SGPP2: variants seen among roughly 807,000 people sequenced by gnomAD.
SGPP2 encodes the protein sphingosine-1-phosphate phosphatase 2.
In SGPP2, 30 loss-of-function variants were observed where a neutral mutation model predicts 33.9. The ratio of observed to expected loss-of-function variants is 0.89; its 90% confidence interval spans 0.66 to 1.20. SGPP2 has a LOEUF of 1.20. SGPP2 is among the 50% of genes most tolerant of loss of function. SGPP2 has a pLI of 0.00. For synonymous variants in SGPP2, 233 were observed against 225.0 expected (o/e 1.04, Z -0.32); for missense variants, 458 against 532.1 (o/e 0.86, Z 1.37).
At chr2:222,522,888 G>T (rs1028529196) in intron 3 of SGPP2, among the ~76,000 whole-genome samples, 1 of 152,140 alleles carries the variant, frequency 6.6e-6, no homozygotes, top group Non-Finnish European at 1.5e-5. Flanking sequence ...TTGCTGTGTT[G>T]CCCAGGCTGG....
At chr2:222,490,933 A>G (rs1290561650) in intron 2 of SGPP2, among the ~76,000 whole-genome samples, 8 of 152,136 alleles carry the variant, frequency 5.3e-5, no homozygotes, top group South Asian at 2.1e-4. Context: ...TTAGTTATCT[A>G]TAGCAACACT....
intron 1 of SGPP2, among the ~76,000 whole-genome samples, chr2:222,434,597 G>C (rs1242270062): frequency 3.3e-5 from 5 of 152,088 alleles, no homozygotes; most frequent in African/African-American, 9.7e-5. Flanking sequence ...AAAACACCTG[G>C]TTCATTGTTA....
chr2:222,552,309 T>C (rs1437990034), intron 4 of SGPP2, among the ~76,000 whole-genome samples: 1 of 152,260 alleles, frequency 6.6e-6, no homozygotes, highest in Non-Finnish European at 1.5e-5. Flanking sequence ...GTGGTTGTAC[T>C]AGTTTACATT....
In SGPP2 at chr2:222,558,703, C is replaced by T; in HGVS notation, c.1005C>T (p.Ile335=). 2 of 1,614,144 alleles carry T rather than the reference C, an allele frequency of 1.2e-6. No individual in the cohort carries two copies. The highest frequency in any genetic ancestry group is 1.3e-5 in the African/African-American group (1 of 75,014). The change falls in exon 5 of 5, where the codon ATC becomes ATT. Residue 335 remains isoleucine, a synonymous_variant. Transcript: ENST00000321276. ...AATTTGCAGTGGGAATTGTGTTGAT[C>T]CTCTTGGTTCGTCAGCTTGTACAAA... The part of the protein sequence containing the change: ...LTKFAVGIVL[I]LLVRQLVQNL...
chr2:222,544,495 T>C (rs1407101182), intron 4 of SGPP2, among the ~76,000 whole-genome samples: 1 of 152,218 alleles, frequency 6.6e-6, no homozygotes, highest in Non-Finnish European at 1.5e-5. Flanking sequence ...ATATAAAATA[T>C]CATAGTATTT....
intron 2 of SGPP2, among the ~76,000 whole-genome samples, chr2:222,506,593 A>G (rs536262829): frequency 9.2e-5 from 14 of 152,332 alleles, no homozygotes; most frequent in African/African-American, 3.1e-4. Context: ...CATATAACAA[A>G]CAAAATATGT....
At chr2:222,513,317 A>T (rs1698558162) in intron 2 of SGPP2, among the ~76,000 whole-genome samples, 1 of 152,208 alleles carries the variant, frequency 6.6e-6, no homozygotes, top group South Asian at 2.1e-4. Flanking sequence ...TTAAAGCATG[A>T]TGATTCCATT....
rs1224655743 is a variant in SGPP2, at chr2:222,558,715, T to A, written c.1017T>A (p.Arg339=). 1 of 1,614,196 alleles carries A rather than the reference T, an allele frequency of 6.2e-7. No homozygotes were observed. Among genetic ancestry groups the A allele is most frequent in the South Asian group, 1.1e-5 (1 of 91,080 alleles). ...AVGIVLILLV[R]QLVQNLSLQV... ...GAATTGTGTTGATCCTCTTGGTTCGTCAGCTTGTACAAAATCTCTCACTGC... is the reference window on the plus strand; with the variant it reads ...GAATTGTGTTGATCCTCTTGGTTCGACAGCTTGTACAAAATCTCTCACTGC... The change falls in exon 5 of 5, where the codon CGT becomes CGA. Residue 339 remains arginine (R), a synonymous_variant. Coordinates refer to ENST00000321276, the MANE Select transcript of SGPP2 (RefSeq NM_152386.4).
intron 4 of SGPP2, among the ~76,000 whole-genome samples, chr2:222,547,767 A>G (rs535895762): frequency 2.2e-4 from 34 of 152,336 alleles, no homozygotes; most frequent in African/African-American, 8.2e-4. Flanking sequence ...GTCATCTAAC[A>G]TAATTTTCCT....
At chr2:222,538,016 A>T (rs1346946295) in intron 4 of SGPP2, among the ~76,000 whole-genome samples, 1 of 152,228 alleles carries the variant, frequency 6.6e-6, no homozygotes, top group Non-Finnish European at 1.5e-5. Flanking sequence ...GAACTGTTGC[A>T]TGCAACATGT....
intron 4 of SGPP2, among the ~76,000 whole-genome samples, chr2:222,544,402 A>G (rs1473249098): frequency 2.0e-5 from 3 of 152,202 alleles, no homozygotes; most frequent in Non-Finnish European, 4.4e-5. Context: ...AGGCCTTAAA[A>G]TATAGTTTTC....
At chr2:222,537,960 T>C (rs1213171701) in intron 4 of SGPP2, among the ~76,000 whole-genome samples, 1 of 152,202 alleles carries the variant, frequency 6.6e-6, no homozygotes, top group African/African-American at 2.4e-5. Flanking sequence ...ATAAACAAAC[T>C]ATGGTACATC....
rs1689282958 is a variant in SGPP2 at position 222,550,942 on chromosome 2, G to A, written c.649-7405G>A. Among the ~76,000 whole-genome samples the A allele has an allele frequency of 6.6e-6, 1 of 152,144 alleles. No homozygotes were observed. The highest frequency in any genetic ancestry group is 2.4e-5 in the African/African-American group (1 of 41,414). ...TTCTTAGAATCAATTCCTAGGAGTGGAATCACTGGGTCTAGGTGTTTGAAT... is the reference window on the plus strand; with the variant it reads ...TTCTTAGAATCAATTCCTAGGAGTGAAATCACTGGGTCTAGGTGTTTGAAT... On this transcript the variant is annotated intron_variant, in intron 4 of 4. Coordinates refer to ENST00000321276, the MANE Select transcript of SGPP2 (RefSeq NM_152386.4). The surrounding 1 kb of genome is among the most constrained non-coding windows in gnomAD (Gnocchi z 4.5).
chr2:222,557,636 G>GA, intron 4 of SGPP2, among the ~76,000 whole-genome samples: 1 of 152,296 alleles, frequency 6.6e-6, no homozygotes, highest in Non-Finnish European at 1.5e-5. Context: ...GGAAATGTGG[G>GA]ACATCAAGGA....
chr2:222,517,015 C>T (rs1353574186), intron 2 of SGPP2, among the ~76,000 whole-genome samples: 7 of 152,050 alleles, frequency 4.6e-5, no homozygotes, highest in Non-Finnish European at 8.8e-5. Flanking sequence ...TCTAGTGGTC[C>T]TAACCTCCTA....
At chr2:222,513,748 A>G (rs1055538041) in intron 2 of SGPP2, among the ~76,000 whole-genome samples, 5 of 151,756 alleles carry the variant, frequency 3.3e-5, no homozygotes, top group African/African-American at 7.2e-5. Context: ...AGAGGTGGAG[A>G]TCAGAGTGAT....
intron 2 of SGPP2, among the ~76,000 whole-genome samples, chr2:222,491,473 C>T (rs1357988422): frequency 6.6e-6 from 1 of 152,144 alleles, no homozygotes; most frequent in Non-Finnish European, 1.5e-5. Context: ...TCTTACATGG[C>T]AGCAGGCAAG....
chr2:222,549,884 T>C (rs1286555186), intron 4 of SGPP2, among the ~76,000 whole-genome samples: 3 of 137,568 alleles, frequency 2.2e-5, no homozygotes, highest in Non-Finnish European at 3.1e-5. Flanking sequence ...TTTTCTTTTC[T>C]TTTTTTTTTT....
At chr2:222,553,578 T>A (rs989946522) in intron 4 of SGPP2, among the ~76,000 whole-genome samples, 2 of 152,152 alleles carry the variant, frequency 1.3e-5, no homozygotes, top group African/African-American at 4.8e-5. Context: ...ATTTTAACCA[T>A]CTTCCTAGGA....
Sources: gnomAD v4.1 joint callset for allele counts (sites outside exome capture counted in the v4.1 genomes callset) on GRCh38, gnomAD v4.1.1 for gene constraint, Gnocchi (gnomAD v3.1) non-coding constraint, MANE v1.5 for transcripts, NCBI Gene and HGNC (gene_info 2026-07-23, HGNC 2026-07-21) for gene names.